EPB41: variants seen among roughly 807,000 people sequenced by gnomAD.
EPB41 encodes erythrocyte membrane protein band 4.1.
Under a neutral mutation model 108.0 loss-of-function variants are expected in EPB41, and 65 were observed. The ratio of observed to expected loss-of-function variants is 0.60; its 90% CI spans 0.49 to 0.74. EPB41 has a LOEUF of 0.74. EPB41 is among the 30% of genes least tolerant of loss of function. The pLI is 0.00. For missense variants in EPB41, 875 were observed against 1,037.0 expected, an observed-to-expected ratio of 0.84 and a Z score of 2.15; for synonymous variants, 336 against 358.9, an observed-to-expected ratio of 0.94 and a Z score of 0.72.
chr1:28,942,668 G>A (rs1365739833), intron 1 of EPB41, among the ~76,000 whole-genome samples: 3 of 152,178 alleles, frequency 2.0e-5, no homozygotes, highest in African/African-American at 7.2e-5. Flanking sequence ...ATTATGTCCT[G>A]ATTGATTACA....
Position 28,987,414 on chromosome 1 carries a change from TA to T in EPB41, c.-7-16del, listed in dbSNP as rs564985446. The T allele has an allele frequency of 6.8e-4, 1,098 of 1,612,248 alleles. 10 individuals are homozygous for T. In the African/African-American group the frequency reaches 0.013, roughly 19 times the overall value. On this transcript the variant is annotated splice_polypyrimidine_tract_variant and intron_variant, in intron 1 of 20. Coordinates refer to ENST00000343067, the MANE Select transcript of EPB41 (RefSeq NM_001376013.1). Reference sequence around the variant, plus strand: ...TTTGCTTATAAGAGCCCCCCTTTTCTATCTTCTTTTTAATAGCAACATCATG... The same window carrying T: ...TTTGCTTATAAGAGCCCCCCTTTTCTTCTTCTTTTTAATAGCAACATCATG...
chr1:28,962,673 CT>C (rs2095253936), intron 1 of EPB41, among the ~76,000 whole-genome samples: 1 of 152,136 alleles, frequency 6.6e-6, no homozygotes, highest in African/African-American at 2.4e-5. Context: ...TAGGTTAGAA[CT>C]TTCTGTCTCT....
rs566230974 is a variant in EPB41 at position 28,938,535 on chromosome 1, A to T, written c.-8+23767A>T. ...ATATAGAAATACAGTTGATTTTTGAATTTTTTTTTTTTTTTGACACAGTAT... is the reference window on the plus strand; with the variant it reads ...ATATAGAAATACAGTTGATTTTTGATTTTTTTTTTTTTTTTGACACAGTAT... On this transcript the variant is annotated intron_variant, in intron 1 of 20. Coordinates refer to ENST00000343067, the MANE Select transcript of EPB41 (RefSeq NM_001376013.1). Among the ~76,000 whole-genome samples, 411 of 145,172 alleles carry T rather than the reference A, an allele frequency of 2.8e-3. 2 individuals carry two copies. Among genetic ancestry groups the T allele is most frequent in the African/African-American group, 9.5e-3 (376 of 39,454 alleles).
intron 1 of EPB41, among the ~76,000 whole-genome samples, chr1:28,950,400 G>A (rs1196233319): frequency 1.3e-5 from 2 of 152,182 alleles, no homozygotes; most frequent in East Asian, 1.9e-4. Flanking sequence ...TCTTTCTATA[G>A]TAAGTGTCCA....
At chr1:29,047,439 A>T (rs1643611964) in intron 11 of EPB41, among the ~76,000 whole-genome samples, 2 of 142,206 alleles carry the variant, frequency 1.4e-5, no homozygotes, top group African/African-American at 5.2e-5. Flanking sequence ...TTTTTTGTAG[A>T]GACAAGGTCT....
intron 11 of EPB41, among the ~76,000 whole-genome samples, chr1:29,048,035 C>T (rs917946710): frequency 6.6e-6 from 1 of 152,064 alleles, no homozygotes; most frequent in African/African-American, 2.4e-5. Context: ...CTACCTGCTT[C>T]GGCCTCCCAA....
intron 4 of EPB41, among the ~76,000 whole-genome samples, chr1:29,006,848 C>T (rs1009919295): frequency 2.6e-5 from 4 of 151,360 alleles, no homozygotes; most frequent in African/African-American, 7.3e-5. Flanking sequence ...TGCAGTCAGC[C>T]GAGATTGTGC....
At position 28,915,731 on chromosome 1, in the gene EPB41, C is replaced by CTTTTTTTTT. The variant is rs11321625; in HGVS notation, c.-8+975_-8+983dup. 1.5e-3 allele frequency among the ~76,000 whole-genome samples: 83 copies of CTTTTTTTTT among 56,080 alleles called. 1 individual carries two copies. The highest frequency in any genetic ancestry group is 2.3e-3 in the Non-Finnish European group (73 of 32,250). The allele number at this position is 56,080 out of a possible 152,430, so 36.8% of individuals were successfully genotyped here. A position where few individuals can be genotyped will look rare whatever the true frequency, so the allele number is the denominator to read the frequency against. The stretch of plus-strand genomic sequence containing the variant: ...CTTTTTCCTTTTTTTTTTTCAGATG[C>CTTTTTTTTT]TTTTTTTTTTTTTTTTTTTTGTAGT... On this transcript the variant is annotated intron_variant, in intron 1 of 20. Coordinates refer to ENST00000343067, the MANE Select transcript of EPB41 (RefSeq NM_001376013.1).
At chr1:28,909,935 T>A (rs527927565), upstream of EPB41, among the ~76,000 whole-genome samples, 1 of 150,940 alleles carries the variant, frequency 6.6e-6, no homozygotes, top group Admixed American at 6.6e-5. Context: ...AATTAAAAAA[T>A]TTGGTGGACA....
At chr1:28,939,200 A>G (rs2094175111) in intron 1 of EPB41, among the ~76,000 whole-genome samples, 1 of 152,098 alleles carries the variant, frequency 6.6e-6, no homozygotes, top group Non-Finnish European at 1.5e-5. Flanking sequence ...GTGATTTTTT[A>G]TCATGAAAGG....
intron 1 of EPB41, among the ~76,000 whole-genome samples, chr1:28,958,683 G>C (rs1287271085): frequency 6.6e-6 from 1 of 151,322 alleles, no homozygotes; most frequent in African/African-American, 2.4e-5. Context: ...GCACAGGCAT[G>C]TGGCATGCAC....
chr1:29,053,970 C>T (rs1644944921), intron 12 of EPB41: 1 of 152,394 alleles, frequency 6.6e-6, no homozygotes, highest in African/African-American at 2.4e-5. Flanking sequence ...CTTTTTAAGA[C>T]TAAGCTCTGC....
intron 16 of EPB41, among the ~76,000 whole-genome samples, chr1:29,087,676 A>G (rs1348693538): frequency 2.2e-4 from 33 of 152,208 alleles, no homozygotes; most frequent in Non-Finnish European, 7.3e-5. Context: ...CCTGCTTTTA[A>G]TAATATCTGG....
At chr1:28,892,146 C>T (rs1251955866) in intron 1 of EPB41, among the ~76,000 whole-genome samples, 2 of 150,426 alleles carry the variant, frequency 1.3e-5, no homozygotes, top group African/African-American at 4.9e-5. Flanking sequence ...GCACAGTTGC[C>T]GGTACCAGGC....
intron 7 of EPB41, among the ~76,000 whole-genome samples, chr1:29,029,511 G>A (rs112574362): frequency 4.4e-4 from 67 of 152,240 alleles, no homozygotes; most frequent in African/African-American, 1.5e-3. Context: ...GGAAACTGGC[G>A]TTTACTGTTT....
At chr1:29,050,176 C>G (rs1644247225) in intron 11 of EPB41, among the ~76,000 whole-genome samples, 2 of 152,210 alleles carry the variant, frequency 1.3e-5, no homozygotes, top group South Asian at 4.1e-4. Context: ...TTGGCTTTTG[C>G]CTCTGTTCCA....
At chr1:28,943,109 C>T (rs1029105527) in intron 1 of EPB41, among the ~76,000 whole-genome samples, 8 of 152,082 alleles carry the variant, frequency 5.3e-5, no homozygotes, top group Non-Finnish European at 1.5e-5. Flanking sequence ...AGTTCTTCTC[C>T]TACTTATATA....
intron 16 of EPB41, among the ~76,000 whole-genome samples, chr1:29,094,343 C>A (rs1302303217): frequency 6.6e-6 from 1 of 152,018 alleles, no homozygotes; most frequent in Non-Finnish European, 1.5e-5. Flanking sequence ...GTGGCTTGAT[C>A]TCAGCTCACT....
At chr1:28,962,364 A>C (rs972971431) in intron 1 of EPB41, among the ~76,000 whole-genome samples, 1 of 152,042 alleles carries the variant, frequency 6.6e-6, no homozygotes. Context: ...GCTCCCGGCC[A>C]TAATTGCTAT....
Sources: gnomAD v4.1 joint callset for allele counts (sites outside exome capture counted in the v4.1 genomes callset) on GRCh38, gnomAD v4.1.1 for gene constraint, MANE v1.5 for transcripts, NCBI Gene and HGNC (gene_info 2026-07-23, HGNC 2026-07-21) for gene names.